Variants in GLIS1 observed in about 807,000 individuals in gnomAD.
The protein encoded by GLIS1 is zinc finger protein GLIS1.
Under a neutral mutation model 63.8 loss-of-function variants are expected in GLIS1, and 24 were observed. The ratio of observed to expected loss-of-function variants is 0.38; its 90% CI spans 0.27 to 0.53. GLIS1 has a LOEUF of 0.53. Ranked by LOEUF, GLIS1 falls within the 20% of genes least tolerant of loss-of-function variation. The pLI is 0.85. For missense variants in GLIS1, 1,036 were observed against 1,074.1 expected (o/e 0.96, Z 0.50); for synonymous variants, 450 against 482.5 (o/e 0.93, Z 0.88).
In GLIS1 at chr1:53,560,968, C is replaced by T. The variant is rs896185993; in HGVS notation, c.1321-31016G>A. On this transcript the variant is annotated intron_variant, in intron 4 of 10. Coordinates refer to ENST00000628545, the MANE Select transcript of GLIS1 (RefSeq NM_001367484.1). The surrounding 1 kb of genome is among the most constrained non-coding windows in gnomAD (Gnocchi z 4.4). ...GCCGGGCCCACACTGGATGTCCGCT[C>T]CCTTCAGGATCTCCAATGTGCGCTC... Among the ~76,000 whole-genome samples the T allele has an allele frequency of 6.6e-6, 1 of 152,178 alleles. No individual in the cohort carries two copies. Among genetic ancestry groups the T allele is most frequent in the Non-Finnish European group, 1.5e-5 (1 of 68,034 alleles).
At chr1:53,720,182 A>C (rs947459079) in intron 2 of GLIS1, among the ~76,000 whole-genome samples, 3 of 152,218 alleles carry the variant, frequency 2.0e-5, no homozygotes, top group African/African-American at 4.8e-5. Context: ...TATCAAAAAC[A>C]ATAATAATAA....
intron 2 of GLIS1, among the ~76,000 whole-genome samples, chr1:53,643,546 A>G (rs528907483): frequency 1.6e-4 from 25 of 152,224 alleles, no homozygotes; most frequent in African/African-American, 5.5e-4. Flanking sequence ...ATGGGGAGGG[A>G]GCAAGGAGGC....
At chr1:53,676,289 G>A (rs1347270492) in intron 2 of GLIS1, among the ~76,000 whole-genome samples, 2 of 152,322 alleles carry the variant, frequency 1.3e-5, no homozygotes, top group East Asian at 3.9e-4. Flanking sequence ...GGCAGGAATC[G>A]TGGTTCCCCT....
At chr1:53,578,440 GTATCATCACCTGT>G (rs1267490937) in intron 4 of GLIS1, among the ~76,000 whole-genome samples, 10 of 152,172 alleles carry the variant, frequency 6.6e-5, no homozygotes, top group Admixed American at 5.2e-4. Context: ...CAGGGTCTCT[GTATCATCACCTGT>G]TAATAATGAA....
At chr1:53,731,076 C>T (rs1205623632) in intron 2 of GLIS1, among the ~76,000 whole-genome samples, 2 of 152,222 alleles carry the variant, frequency 1.3e-5, no homozygotes, top group African/African-American at 4.8e-5. Context: ...AGAGGGGAGA[C>T]TACGACCGGG....
intron 4 of GLIS1, among the ~76,000 whole-genome samples, chr1:53,546,439 C>G (rs1644699584): frequency 2.0e-5 from 3 of 152,244 alleles, no homozygotes; most frequent in African/African-American, 7.2e-5. Context: ...AGCTTCGGAT[C>G]AGGAAGACCA....
At position 53,594,452 on chromosome 1, in the gene GLIS1, C is replaced by T; in HGVS notation, c.976G>A (p.Asp326Asn). ...GGCCCAAAGAGCTCTGAAAACTCATCCGCGGGTTCCTGCTTCAGGAAGCTC... is the reference window on the plus strand; with the variant it reads ...GGCCCAAAGAGCTCTGAAAACTCATTCGCGGGTTCCTGCTTCAGGAAGCTC... ...KASFLKQEPA[D>N]EFSELFGPHQ... The change falls in exon 4 of 11, where the codon GAT becomes AAT. Residue 326 changes from aspartate (D) to asparagine (N), a missense_variant. Physicochemically the swap from Asp to Asn is conservative, Grantham distance 23. This residue lies in a region of GLIS1 where 592 missense variants were observed against 593.9 expected (regional missense o/e 1.00). Coordinates refer to ENST00000628545, the MANE Select transcript of GLIS1 (RefSeq NM_001367484.1). 6.2e-7 allele frequency: 1 copy of T among 1,612,976 alleles called. No individual in the cohort carries two copies. Among genetic ancestry groups the T allele is most frequent in the Non-Finnish European group, 8.5e-7 (1 of 1,180,008 alleles).
rs769792962 is a variant in GLIS1, at chr1:53,524,786, C to A, written c.1584G>T (p.Val528=). Reference sequence around the variant, plus strand: ...AGGAGGGCTGGCTTACCTTCTTACGCACCTGCTGCTCTTTGGCTGAATGGG... The same window carrying A: ...AGGAGGGCTGGCTTACCTTCTTACGAACCTGCTGCTCTTTGGCTGAATGGG... The part of the protein sequence containing the change: ...VKAHSAKEQQ[V]RKKLHAGPDT... The change falls in exon 6 of 11, where the codon GTG becomes GTT. Residue 528 remains valine, a synonymous_variant. Coordinates refer to ENST00000628545, the MANE Select transcript of GLIS1 (RefSeq NM_001367484.1). The A allele has an allele frequency of 6.2e-7, 1 of 1,613,040 alleles. No individual in the cohort carries two copies. Among genetic ancestry groups the A allele is most frequent in the East Asian group, 2.2e-5 (1 of 44,884 alleles).
chr1:53,529,551 G>A (rs2100330469), intron 5 of GLIS1, among the ~76,000 whole-genome samples: 1 of 152,340 alleles, frequency 6.6e-6, no homozygotes, highest in South Asian at 2.1e-4. Context: ...TGGCATCAGA[G>A]AGTTTTGGTT....
intron 4 of GLIS1, among the ~76,000 whole-genome samples, chr1:53,535,422 C>T (rs562048503): frequency 5.3e-5 from 8 of 152,148 alleles, no homozygotes; most frequent in East Asian, 1.9e-4. Flanking sequence ...CAGGAGGGTG[C>T]GACATGGGCC....
At chr1:53,603,373 C>T (rs1015523683) in intron 2 of GLIS1, among the ~76,000 whole-genome samples, 4 of 152,124 alleles carry the variant, frequency 2.6e-5, no homozygotes, top group Non-Finnish European at 5.9e-5. Context: ...TAGTCGTGGC[C>T]CAAAGTTGGT....
chr1:53,695,586 C>A (rs766714469), intron 2 of GLIS1, among the ~76,000 whole-genome samples: 10 of 152,180 alleles, frequency 6.6e-5, no homozygotes, highest in Non-Finnish European at 1.2e-4. Context: ...GAGGGCTCAG[C>A]CCGACCCTGG....
chr1:53,522,233 C>T (rs1644417667), intron 6 of GLIS1, among the ~76,000 whole-genome samples: 1 of 152,258 alleles, frequency 6.6e-6, no homozygotes. Context: ...GCAGGGCTGC[C>T]AAGGACTTGT....
intron 2 of GLIS1, among the ~76,000 whole-genome samples, chr1:53,722,446 G>A (rs977492987): frequency 5.3e-5 from 8 of 152,214 alleles, no homozygotes; most frequent in African/African-American, 1.9e-4. Flanking sequence ...AGACAAAAGA[G>A]AGAAGAGGAA....
At chr1:53,607,212 T>G (rs906690979) in intron 2 of GLIS1, among the ~76,000 whole-genome samples, 5 of 152,230 alleles carry the variant, frequency 3.3e-5, no homozygotes, top group Admixed American at 1.3e-4. Context: ...CTCTGCAGTA[T>G]TTTCTATGCA....
rs1204700731 is a variant in GLIS1, at chr1:53,539,228, A to G, written c.1321-9276T>C. On this transcript the variant is annotated intron_variant, in intron 4 of 10. Transcript: ENST00000628545. This position sits in a 1 kb window ranked among gnomAD's most constrained non-coding sequence, Gnocchi z 5.0. ...TCGGAGACAGCCCCAACACACACCA[A>G]CACACACACATGGATTCACACACAC... is the stretch of plus-strand genomic sequence containing the variant. Among the ~76,000 whole-genome samples, 1 of 140,488 alleles carries G rather than the reference A, an allele frequency of 7.1e-6. No homozygotes were observed. Among genetic ancestry groups the G allele is most frequent in the Non-Finnish European group, 1.6e-5 (1 of 62,382 alleles). The allele number at this position is 140,488 out of a possible 152,430, so 92.2% of individuals were successfully genotyped here.
At chr1:53,615,045 A>C (rs541258959) in intron 2 of GLIS1, among the ~76,000 whole-genome samples, 1 of 152,280 alleles carries the variant, frequency 6.6e-6, no homozygotes, top group East Asian at 1.9e-4. Flanking sequence ...ACTGCAAACA[A>C]AATCCTTGAG....
chr1:53,573,727 C>T (rs1645006406), intron 4 of GLIS1, among the ~76,000 whole-genome samples: 1 of 152,210 alleles, frequency 6.6e-6, no homozygotes, highest in Non-Finnish European at 1.5e-5. Flanking sequence ...CATGGGCCCT[C>T]AGACACAGGA....
At chr1:53,657,424 T>C (rs538916680) in intron 2 of GLIS1, among the ~76,000 whole-genome samples, 1 of 152,358 alleles carries the variant, frequency 6.6e-6, no homozygotes, top group Non-Finnish European at 1.5e-5. Context: ...GAGGTTGGTC[T>C]GTTCCCCCGC....
Sources: gnomAD v4.1 joint callset for allele counts (sites outside exome capture counted in the v4.1 genomes callset) on GRCh38, gnomAD v4.1.1 for gene constraint, gnomAD v4.1.1 regional missense constraint, Gnocchi (gnomAD v3.1) non-coding constraint, MANE v1.5 for transcripts, NCBI Gene and HGNC (gene_info 2026-07-23, HGNC 2026-07-21) for gene names.